SLC16A8: variants seen among roughly 807,000 people sequenced by gnomAD.
The protein encoded by SLC16A8 is solute carrier family 16 member 8.
SLC16A8 carries 20 observed loss-of-function variants against 22.4 expected under a neutral mutation model. That is an observed-to-expected ratio of 0.89 (90% CI 0.63 to 1.30). The LOEUF is 1.30. Among genes scored for constraint, SLC16A8 ranks in the 50% most tolerant of loss-of-function variants. SLC16A8 has a pLI of 0.00. For synonymous variants in SLC16A8, 393 were observed against 358.8 expected (o/e 1.10, Z -1.08); for missense variants, 817 against 740.3 (o/e 1.10, Z -1.20).
Position 38,078,186 on chromosome 22 carries a change from T to G in SLC16A8, c.*202A>C. ...CAGTTTCCTGTTGCTCCATAGCAGC[T>G]TCACTGGCGATGGGGCAGGGCCTGG... On this transcript the variant is annotated 3_prime_UTR_variant, in exon 6 of 6. Coordinates refer to ENST00000681075, the MANE Select transcript of SLC16A8 (RefSeq NM_013356.3). The G allele has an allele frequency of 1.8e-6, 1 of 568,700 alleles. No individual in the cohort carries two copies. 35.2% of individuals were successfully genotyped at this position (568,700 alleles called of 1,614,324 possible).
Position 38,081,113 on chromosome 22 carries a change from G to A in SLC16A8, c.925C>T (p.Leu309=), listed in dbSNP as rs2145898058. Residue 309 remains leucine (L), a synonymous_variant, in exon 5 of 6, where the codon CTG becomes TTG. Transcript: ENST00000681075. ...DIVARPACGA[L]AGLARLRPHV... ...GGCCGCAGACGCGCCAGGCCCGCCA[G>A]GGCGCCGCACGCCGGGCGCGCCACG... 2 of 1,548,416 alleles carry A rather than the reference G, an allele frequency of 1.3e-6. No homozygotes were observed. The highest frequency in any genetic ancestry group is 1.4e-5 in the African/African-American group (1 of 73,340).
intron 1 of SLC16A8, among the ~76,000 whole-genome samples, chr22:38,083,731 C>T (rs1346381382): frequency 8.1e-6 from 1 of 123,006 alleles, no homozygotes; most frequent in African/African-American, 3.3e-5. Context: ...CAAGCGCCCC[C>T]ATAACAGATG....
Position 38,081,691 on chromosome 22 carries a change from G to A in SLC16A8, c.359-12C>T, listed in dbSNP as rs761627924. 1.3e-6 allele frequency: 2 copies of A among 1,495,660 alleles called. No individual in the cohort carries two copies. The highest frequency in any genetic ancestry group is 4.6e-5 in the Admixed American group (2 of 43,196). The allele number at this position is 1,495,660 out of a possible 1,614,324, so 92.6% of individuals were successfully genotyped here. ...GGCCAGGCCCAGGCCTGCGGGCGAGGCGGTGCTGTGCCGGGGTCCCCGGAG... is the reference window on the plus strand; with the variant it reads ...GGCCAGGCCCAGGCCTGCGGGCGAGACGGTGCTGTGCCGGGGTCCCCGGAG... On this transcript the variant is annotated splice_polypyrimidine_tract_variant and intron_variant, in intron 4 of 5. Coordinates refer to ENST00000681075, the MANE Select transcript of SLC16A8 (RefSeq NM_013356.3).
chr22:38,083,002 G>A (rs1231128507), intron 2 of SLC16A8, 40 bp downstream of exon 2: 1 of 655,906 alleles, frequency 1.5e-6, no homozygotes, highest in East Asian at 2.7e-5. Flanking sequence ...GGTGGCTCAG[G>A]TCTGGGAACC....
In SLC16A8 at chr22:38,082,868, G is replaced by T. The variant is rs181602341; in HGVS notation, c.6C>A (p.Gly2=). The stretch of plus-strand genomic sequence containing the variant: ...CCTCGCCCCGCCGGGGGCCGCCAGC[G>T]CCCATCGCTGCCTCTGTTGGGAGGG... M[G]AGGPRRGEGP... Residue 2 remains glycine, a synonymous_variant, in exon 3 of 6, where the codon GGC becomes GGA. Transcript: ENST00000681075. 6.9e-4 allele frequency: 1,063 copies of T among 1,536,564 alleles called. 7 individuals carry two copies. In the African/African-American group the frequency reaches 0.013, roughly 18 times the overall value.
Position 38,081,494 on chromosome 22 carries a change from C to T in SLC16A8, c.544G>A (p.Gly182Arg). Residue 182 changes from glycine to arginine, a missense_variant, in exon 5 of 6, where the codon GGG (glycine) becomes AGG (arginine). Physicochemically the swap from Gly to Arg is moderately radical, Grantham distance 125. Coordinates refer to ENST00000681075, the MANE Select transcript of SLC16A8 (RefSeq NM_013356.3). ...GWRGGFLLLG[G>R]LLLHCCACGA... ...CAGGCGCAGCAGTGCAGCAGGAGCC[C>T]GCCGAGCAGCAGGAAGCCGCCGCGC... 1 of 1,402,680 alleles carries T rather than the reference C, an allele frequency of 7.1e-7. No homozygotes were observed. Among genetic ancestry groups the T allele is most frequent in the Non-Finnish European group, 9.2e-7 (1 of 1,092,038 alleles). 86.9% of individuals were successfully genotyped at this position (1,402,680 alleles called of 1,614,324 possible). A position where few individuals can be genotyped will look rare whatever the true frequency, so the allele number is the denominator to read the frequency against.
intron 4 of SLC16A8, 96 bp from the exon 5 acceptor site, chr22:38,081,775 G>T: frequency 6.8e-7 from 1 of 1,460,242 alleles, no homozygotes; most frequent in Non-Finnish European, 9.0e-7. Flanking sequence ...AGCAGATCCG[G>T]GAACCCAGCC....
Position 38,084,044 on chromosome 22 carries a change from G to A in SLC16A8, c.-385C>T, listed in dbSNP as rs1371880931. The stretch of plus-strand genomic sequence containing the variant: ...CCTCACATCTCCTGAGGCCTGCAGG[G>A]AGGGGCCGCCGCCGCAGCTCCCGGT... On this transcript the variant is annotated 5_prime_UTR_variant, in exon 1 of 6. Transcript: ENST00000681075. 6.6e-6 allele frequency: 1 copy of A among 152,636 alleles called. No individual in the cohort carries two copies. The highest frequency in any genetic ancestry group is 2.4e-5 in the African/African-American group (1 of 41,436). 9.5% of individuals were successfully genotyped at this position (152,636 alleles called of 1,614,324 possible). A position where few individuals can be genotyped will look rare whatever the true frequency, so the allele number is the denominator to read the frequency against.
chr22:38,080,388 T>A (rs554479120), intron 5 of SLC16A8, among the ~76,000 whole-genome samples: 2 of 152,300 alleles, frequency 1.3e-5, no homozygotes, highest in Non-Finnish European at 1.5e-5. Context: ...ACTCTGTTTC[T>A]GGCCCCAACA....
Position 38,082,802 on chromosome 22 carries a change from G to T in SLC16A8, c.72C>A (p.Ala24=). The change falls in exon 3 of 6, where the codon GCC becomes GCA. Residue 24 remains alanine, a synonymous_variant. Transcript: ENST00000681075. The part of the protein sequence containing the change: ...DGGWGWVVLG[A]CFVVTGFAYG... ...AGGCGAAGCCGGTGACCACAAAGCA[G>T]GCGCCCAGCACCACCCAGCCCCAGC... 6.3e-7 allele frequency: 1 copy of T among 1,593,546 alleles called. No individual in the cohort carries two copies.
intron 3 of SLC16A8, among the ~76,000 whole-genome samples, chr22:38,082,398 T>C (rs2085931481): frequency 6.6e-6 from 1 of 152,204 alleles, no homozygotes; most frequent in Admixed American, 6.5e-5. Context: ...GGCTCTCAGC[T>C]TTCCTGCCTC....
chr22:38,080,697 G>C (rs2085901226), intron 5 of SLC16A8, 143 bp downstream of exon 5: 4 of 1,182,422 alleles, frequency 3.4e-6, no homozygotes, highest in Non-Finnish European at 4.6e-6. Flanking sequence ...TTGGAGGAGG[G>C]ACTAACTGGC....
rs1392720153 is a variant in SLC16A8, at chr22:38,082,704, G to T, written c.170C>A (p.Thr57Lys). The change falls in exon 3 of 6, where the codon ACG (threonine) becomes AAG (lysine). Residue 57 changes from threonine to lysine, a missense_variant. By Grantham distance (78) the Thr-to-Lys change is moderately conservative. Coordinates refer to ENST00000681075, the MANE Select transcript of SLC16A8 (RefSeq NM_013356.3). ...TAGCATGATGGAGGACACCCAGGCC[G>T]TGTCGCTGTAGCCGGCGTCGAAGTC... is the stretch of plus-strand genomic sequence containing the variant. ...MRDFDAGYSD[T>K]AWVSSIMLAM... The T allele has an allele frequency of 1.3e-6, 2 of 1,590,280 alleles. No individual in the cohort carries two copies. Among genetic ancestry groups the T allele is most frequent in the Admixed American group, 1.8e-5 (1 of 56,356 alleles).
chr22:38,082,642 C>G lies in SLC16A8; in HGVS notation c.214+18G>C, dbSNP rs1174827424. ...CCAGGGGTCCCGGGGAGGCGGAGGG[C>G]CGGGCGGGGACACTGACCCGTGCCG... On this transcript the variant is annotated intron_variant, in intron 3 of 5. Transcript: ENST00000681075. The G allele has an allele frequency of 6.5e-7, 1 of 1,534,060 alleles. No homozygotes were observed. The highest frequency in any genetic ancestry group is 8.8e-7 in the Non-Finnish European group (1 of 1,137,920).
At position 38,078,577 on chromosome 22, in the gene SLC16A8, C is replaced by T. The variant is rs567347112; in HGVS notation, c.1326G>A (p.Pro442=). ...NCCLRCAKAA[P]SGPGTEGGAS... ...CTCCGCCCTCAGTGCCTGGGCCTGA[C>T]GGGGCAGCTTTAGCACAACGCAGGC... Residue 442 remains proline (P), a synonymous_variant, in exon 6 of 6, where the codon CCG becomes CCA. Coordinates refer to ENST00000681075, the MANE Select transcript of SLC16A8 (RefSeq NM_013356.3). The T allele has an allele frequency of 1.6e-4, 256 of 1,614,142 alleles. 2 individuals carry two copies. In the South Asian group the frequency reaches 2.2e-3, roughly 14 times the overall value.
In SLC16A8 at chr22:38,081,902, A is replaced by C; in HGVS notation, c.345T>G (p.Ala115=). 1.3e-6 allele frequency: 2 copies of C among 1,592,576 alleles called. No homozygotes were observed. Among genetic ancestry groups the C allele is most frequent in the Non-Finnish European group, 1.7e-6 (2 of 1,170,198 alleles). Residue 115 remains alanine, a synonymous_variant, in exon 4 of 6, where the codon GCT becomes GCG. Coordinates refer to ENST00000681075, the MANE Select transcript of SLC16A8 (RefSeq NM_013356.3). The part of the protein sequence containing the change: ...ATRLLELYLT[A]GVLTGLGLAL... ...GGGGGCCCTCACCTGTGAGCACCCCAGCGGTCAGGTAGAGCTCCAGGAGGC... is the reference window on the plus strand; with the variant it reads ...GGGGGCCCTCACCTGTGAGCACCCCCGCGGTCAGGTAGAGCTCCAGGAGGC...
At position 38,078,360 on chromosome 22, in the gene SLC16A8, T is replaced by C; in HGVS notation, c.*28A>G. 1 of 1,564,568 alleles carries C rather than the reference T, an allele frequency of 6.4e-7. No individual in the cohort carries two copies. The highest frequency in any genetic ancestry group is 8.6e-7 in the Non-Finnish European group (1 of 1,157,580). ...ACAAGAAGCTGTGTTCCCAAGTCAC[T>C]GGGCCACCCCACCCAGAGCACCCTG... On this transcript the variant is annotated 3_prime_UTR_variant, in exon 6 of 6. Transcript: ENST00000681075.
Position 38,081,227 on chromosome 22 carries a change from C to T in SLC16A8, c.811G>A (p.Ala271Thr), listed in dbSNP as rs201166120. The change falls in exon 5 of 6, where the codon GCC becomes ACC. Residue 271 changes from alanine (A) to threonine (T), a missense_variant. Ala to Thr is a moderately conservative substitution (Grantham distance 58, BLOSUM62 0). Transcript: ENST00000681075. ...FLMALGLFVP[A>T]ILLVNYAKDA... ...TTGGCGTAGTTCACCAGCAGGATGGCGGGGACGAAGAGCCCGAGCGCCATC... is the reference window on the plus strand; with the variant it reads ...TTGGCGTAGTTCACCAGCAGGATGGTGGGGACGAAGAGCCCGAGCGCCATC... 3 of 1,578,562 alleles carry T rather than the reference C, an allele frequency of 1.9e-6. No homozygotes were observed. The highest frequency in any genetic ancestry group is 1.2e-5 in the South Asian group (1 of 86,304).
chr22:38,081,999 C>G lies in SLC16A8; in HGVS notation c.248G>C (p.Gly83Ala). 6.3e-7 allele frequency: 1 copy of G among 1,578,136 alleles called. No homozygotes were observed. Among genetic ancestry groups the G allele is most frequent in the Non-Finnish European group, 8.6e-7 (1 of 1,162,428 alleles). The stretch of plus-strand genomic sequence containing the variant: ...ACCCGCCAGCATCACCGGGCGACAG[C>G]CAAAGCGGGTCACGAGGATGCTGGA... The part of the protein sequence containing the change: ...PVSSILVTRF[G>A]CRPVMLAGGL... The change falls in exon 4 of 6, where the codon GGC becomes GCC. Residue 83 changes from glycine (G) to alanine (A), a missense_variant. Transcript: ENST00000681075.
Sources: gnomAD v4.1 joint callset for allele counts (sites outside exome capture counted in the v4.1 genomes callset) on GRCh38, gnomAD v4.1.1 for gene constraint, MANE v1.5 for transcripts, NCBI Gene and HGNC (gene_info 2026-07-23, HGNC 2026-07-21) for gene names.